Variants in TIAM2 observed in about 807,000 individuals in gnomAD.
TIAM2 encodes rho guanine nucleotide exchange factor TIAM2.
TIAM2 carries 80 observed loss-of-function variants against 152.9 expected under a neutral mutation model. The ratio of observed to expected loss-of-function variants is 0.52; its 90% CI spans 0.44 to 0.63. The LOEUF is 0.63. Among genes scored for constraint, TIAM2 ranks in the 30% least tolerant of loss-of-function variants. The pLI is 0.00. For missense variants in TIAM2, 1,965 were observed against 2,120.1 expected, an observed-to-expected ratio of 0.93 and a Z score of 1.44; for synonymous variants, 804 against 838.0, an observed-to-expected ratio of 0.96 and a Z score of 0.70.
chr6:155,039,151 G>C (rs1317719830), intron 1 of TIAM2, among the ~76,000 whole-genome samples: 2 of 151,414 alleles, frequency 1.3e-5, no homozygotes, highest in Non-Finnish European at 2.9e-5. Flanking sequence ...GTGTGGAGAC[G>C]GGGTTTGCCA....
chr6:155,099,402 T>C (rs1281131493), intron 2 of TIAM2, among the ~76,000 whole-genome samples: 1 of 152,182 alleles, frequency 6.6e-6, no homozygotes, highest in African/African-American at 2.4e-5. Flanking sequence ...CATGCTAGTA[T>C]TGCGTTTTGA....
intron 1 of TIAM2, chr6:155,016,153 TC>T (rs1217119495): frequency 6.6e-6 from 1 of 152,052 alleles, no homozygotes; most frequent in African/African-American, 2.4e-5. Flanking sequence ...ACCCAGCAGT[TC>T]CTCCCCTGGG....
chr6:155,255,191 G>T (rs1457706374), intron 26 of TIAM2: 3 of 152,350 alleles, frequency 2.0e-5, no homozygotes, highest in Non-Finnish European at 4.4e-5. Context: ...CTAAGCCGCA[G>T]TGGTTAGTAG....
At chr6:155,023,042 GTTTTTTT>G (rs762200760) in intron 1 of TIAM2, among the ~76,000 whole-genome samples, 1 of 88,274 alleles carries the variant, frequency 1.1e-5, no homozygotes, top group Non-Finnish European at 2.5e-5. Flanking sequence ...TTTTTGTTCT[GTTTTTTT>G]TTTTTTTTTT....
chr6:155,069,357 A>G (rs2114950816), intron 1 of TIAM2, among the ~76,000 whole-genome samples: 1 of 152,166 alleles, frequency 6.6e-6, no homozygotes, highest in South Asian at 2.1e-4. Context: ...GCCTCCCGAA[A>G]TGCTGAGATT....
chr6:155,074,544 C>T (rs915759173), intron 1 of TIAM2, among the ~76,000 whole-genome samples: 3 of 152,052 alleles, frequency 2.0e-5, no homozygotes, highest in South Asian at 2.1e-4. Flanking sequence ...GTCGGGGTTT[C>T]GCCACGTGGG....
At chr6:155,029,419 ATATATAC>A (rs1204921796) in intron 1 of TIAM2, among the ~76,000 whole-genome samples, 3 of 79,152 alleles carry the variant, frequency 3.8e-5, no homozygotes, top group East Asian at 6.8e-4. Flanking sequence ...AATATATACT[ATATATAC>A]TATAGTATAT....
At chr6:155,169,787 A>G (rs971870147) in intron 9 of TIAM2, among the ~76,000 whole-genome samples, 8 of 151,906 alleles carry the variant, frequency 5.3e-5, no homozygotes, top group African/African-American at 1.5e-4. Context: ...CAACATCCCC[A>G]TGAAGCTGTG....
rs1409353470 is a variant in TIAM2, at chr6:155,186,730, C to T, written c.3064+3230C>T. On this transcript the variant is annotated intron_variant, in intron 14 of 26. Coordinates refer to ENST00000682666, the MANE Select transcript of TIAM2 (RefSeq NM_012454.4). This position sits in a 1 kb window ranked among gnomAD's most constrained non-coding sequence, Gnocchi z 4.5. ...TAAAAATTACCTTGATTTACTTTTG[C>T]AATGAATTAGAAAACAGTAATCCCA... is the stretch of plus-strand genomic sequence containing the variant. 6.6e-6 allele frequency among the ~76,000 whole-genome samples: 1 copy of T among 152,108 alleles called. No individual in the cohort carries two copies. The highest frequency in any genetic ancestry group is 1.5e-5 in the Non-Finnish European group (1 of 68,022).
chr6:155,202,184 CT>C (rs1005255703), intron 14 of TIAM2, among the ~76,000 whole-genome samples: 14 of 151,592 alleles, frequency 9.2e-5, no homozygotes, highest in Non-Finnish European at 1.9e-4. Flanking sequence ...TCAAGAGTTA[CT>C]TTTTTTTTCC....
At position 155,257,500 on chromosome 6, in the gene TIAM2, A is replaced by T; in HGVS notation, c.*379A>T. On this transcript the variant is annotated 3_prime_UTR_variant, in exon 27 of 27. Transcript: ENST00000682666. Reference sequence around the variant, plus strand: ...GGGCATTTTCTTTCAGCTGTTTGTTAGTTTTTGCTTTATTTAAAGCATATT... The same window carrying T: ...GGGCATTTTCTTTCAGCTGTTTGTTTGTTTTTGCTTTATTTAAAGCATATT... The T allele has an allele frequency of 2.9e-6, 1 of 339,582 alleles. No individual in the cohort carries two copies. The highest frequency in any genetic ancestry group is 5.4e-6 in the Non-Finnish European group (1 of 185,968). The allele number at this position is 339,582 out of a possible 1,614,324, so 21.0% of individuals were successfully genotyped here.
intron 1 of TIAM2, among the ~76,000 whole-genome samples, chr6:155,041,075 T>C (rs900101072): frequency 6.6e-6 from 1 of 152,166 alleles, no homozygotes; most frequent in Non-Finnish European, 1.5e-5. Flanking sequence ...TGCCCATTGT[T>C]CTAAGTGCCA....
intron 1 of TIAM2, among the ~76,000 whole-genome samples, chr6:155,071,821 G>A (rs988630469): frequency 1.3e-5 from 2 of 151,648 alleles, no homozygotes; most frequent in Non-Finnish European, 2.9e-5. Context: ...ACTTGAACCT[G>A]GGAGGTGGAG....
At chr6:155,087,384 G>C (rs988541159) in intron 1 of TIAM2, among the ~76,000 whole-genome samples, 1 of 152,200 alleles carries the variant, frequency 6.6e-6, no homozygotes, top group Non-Finnish European at 1.5e-5. Flanking sequence ...GGTTTTTAAA[G>C]ATTGTCAGTA....
At position 155,011,581 on chromosome 6, in the gene TIAM2, A is replaced by G. The variant is rs145807883; in HGVS notation, c.-209+16089A>G. On this transcript the variant is annotated intron_variant, in intron 1 of 26. Coordinates refer to ENST00000682666, the MANE Select transcript of TIAM2 (RefSeq NM_012454.4). ...ATTTTTCTCCTCAGAGTGTCTGACA[A>G]TGGTTTGCCCTGTGACTGGTATATA... Among the ~76,000 whole-genome samples the G allele has an allele frequency of 4.0e-3, 609 of 152,320 alleles. 4 individuals are homozygous for G. Among genetic ancestry groups the G allele is most frequent in the African/African-American group, 0.013 (557 of 41,564 alleles).
chr6:155,057,869 A>G (rs1777490788), intron 1 of TIAM2, among the ~76,000 whole-genome samples: 1 of 152,088 alleles, frequency 6.6e-6, no homozygotes, highest in South Asian at 2.1e-4. Context: ...TTTGGAAGAA[A>G]GTCACTCCGC....
At chr6:155,120,610 A>G (rs1317565666) in intron 2 of TIAM2, among the ~76,000 whole-genome samples, 3 of 152,142 alleles carry the variant, frequency 2.0e-5, no homozygotes, top group African/African-American at 7.2e-5. Context: ...TTTGTTTTAG[A>G]TTTTTAGGCA....
intron 1 of TIAM2, among the ~76,000 whole-genome samples, chr6:155,050,913 T>G (rs1777304343): frequency 6.6e-6 from 1 of 152,228 alleles, no homozygotes; most frequent in African/African-American, 2.4e-5. Context: ...CATTGTTTTA[T>G]TCATTGGCCT....
intron 3 of TIAM2, among the ~76,000 whole-genome samples, chr6:155,128,222 A>G (rs17085972): frequency 0.026 from 3,888 of 152,238 alleles, 77 homozygotes; most frequent in African/African-American, 0.049. Flanking sequence ...AAGTGAAGAT[A>G]CCTGAAGTCT....
Sources: allele counts gnomAD v4.1 joint callset (sites outside exome capture counted in the v4.1 genomes callset), GRCh38; gene constraint gnomAD v4.1.1; non-coding constraint Gnocchi (gnomAD v3.1); transcripts MANE v1.5; gene names NCBI Gene and HGNC (gene_info 2026-07-23, HGNC 2026-07-21).